The following RANBP2 variants were observed in gnomAD, a reference collection of about 807,000 sequenced individuals.
The protein encoded by RANBP2 is RAN binding protein 2.
Under a neutral mutation model 303.6 loss-of-function variants are expected in RANBP2, and 57 were observed. The ratio of observed to expected loss-of-function variants is 0.19; its 90% CI spans 0.15 to 0.23. RANBP2 has a LOEUF of 0.23. Ranked by LOEUF, RANBP2 falls within the 10% of genes least tolerant of loss-of-function variation. The pLI is 1.00. For missense variants in RANBP2, 3,138 were observed against 3,780.8 expected (o/e 0.83, Z 4.46); for synonymous variants, 1,167 against 1,301.5 (o/e 0.90, Z 2.23).
intron 6 of RANBP2, among the ~76,000 whole-genome samples, chr2:108,738,169 G>A (rs1695773702): frequency 6.6e-6 from 1 of 151,134 alleles, no homozygotes; most frequent in African/African-American, 2.4e-5. Flanking sequence ...TCTGTTTCCA[G>A]GGTTCACGCC....
intron 20 of RANBP2, among the ~76,000 whole-genome samples, chr2:108,770,978 G>A (rs1360773753): frequency 6.6e-6 from 1 of 151,978 alleles, no homozygotes; most frequent in Non-Finnish European, 1.5e-5. Flanking sequence ...TTCATGACTG[G>A]CTTGCTTTAT....
chr2:108,977,363 G>A, the RANBP2 span, among the ~76,000 whole-genome samples: 2 of 152,258 alleles, frequency 1.3e-5, no homozygotes, highest in Middle Eastern at 6.8e-3. Flanking sequence ...GCGCCTCCCG[G>A]GTTCACGCCA....
the RANBP2 span, among the ~76,000 whole-genome samples, chr2:108,991,208 C>A: frequency 2.6e-5 from 4 of 152,050 alleles, no homozygotes; most frequent in Non-Finnish European, 5.9e-5. Context: ...TTGAAGTCTG[C>A]CTAGTCATCA....
chr2:109,561,376 T>C, the RANBP2 span, among the ~76,000 whole-genome samples: 2 of 152,152 alleles, frequency 1.3e-5, no homozygotes, highest in African/African-American at 4.8e-5. Flanking sequence ...ACTGTCTGCC[T>C]CTCCTTTAGT....
chr2:109,147,130 G>A, the RANBP2 span, among the ~76,000 whole-genome samples: 1 of 151,994 alleles, frequency 6.6e-6, no homozygotes, highest in Non-Finnish European at 1.5e-5. Flanking sequence ...TCAGAGGGTG[G>A]GTTTCTTTTT....
the RANBP2 span, among the ~76,000 whole-genome samples, chr2:109,471,255 AATGT>A: frequency 2.0e-5 from 3 of 151,670 alleles, no homozygotes; most frequent in Non-Finnish European, 4.4e-5. Flanking sequence ...GAGACTGAGT[AATGT>A]ATAAAGGAAA....
At chr2:109,366,001 T>C in the RANBP2 span, among the ~76,000 whole-genome samples, 1 of 152,252 alleles carries the variant, frequency 6.6e-6, no homozygotes, top group Non-Finnish European at 1.5e-5. Context: ...TGAATTTGTT[T>C]TCTGGCATAT....
At chr2:109,612,431 G>C in the RANBP2 span, among the ~76,000 whole-genome samples, 1 of 152,086 alleles carries the variant, frequency 6.6e-6, no homozygotes, top group Non-Finnish European at 1.5e-5. Flanking sequence ...TCGTACTATG[G>C]GTTTGCCAGA....
chr2:109,147,760 A>G, the RANBP2 span, among the ~76,000 whole-genome samples: 1 of 152,218 alleles, frequency 6.6e-6, no homozygotes, highest in Non-Finnish European at 1.5e-5. Flanking sequence ...TACGAAGTTA[A>G]CAAGCAGTTG....
the RANBP2 span, among the ~76,000 whole-genome samples, chr2:109,020,870 G>T: frequency 6.6e-6 from 1 of 152,174 alleles, no homozygotes; most frequent in African/African-American, 2.4e-5. Flanking sequence ...GATTGTTTGT[G>T]GGGGGCACAA....
At chr2:109,546,123 T>C in the RANBP2 span, 2 of 1,611,638 alleles carry the variant, frequency 1.2e-6, no homozygotes, top group East Asian at 2.2e-5. Context: ...ATCTCGGAGG[T>C]AGCTTTCTTT....
At chr2:109,291,269 C>T in the RANBP2 span, among the ~76,000 whole-genome samples, 10 of 148,342 alleles carry the variant, frequency 6.7e-5, no homozygotes, top group Non-Finnish European at 1.5e-4. Flanking sequence ...GAAAAAGAAA[C>T]AGAGTAATCT....
chr2:109,096,882 C>T, the RANBP2 span, among the ~76,000 whole-genome samples: 373 of 151,316 alleles, frequency 2.5e-3, 1 homozygote, highest in African/African-American at 8.7e-3. Flanking sequence ...GATCTTGTGG[C>T]CCCCATCCAG....
chr2:108,775,663 T>C lies in RANBP2; in HGVS notation c.8293-69T>C, dbSNP rs906968201. ...CCCAAGTTCTCAATTCCCTTTGAAATAGATTATATAATCTGTTTTGTAAAT... is the reference window on the plus strand; with the variant it reads ...CCCAAGTTCTCAATTCCCTTTGAAACAGATTATATAATCTGTTTTGTAAAT... On this transcript the variant is annotated intron_variant, in intron 23 of 28. Coordinates refer to ENST00000283195, the MANE Select transcript of RANBP2 (RefSeq NM_006267.5). 275 of 1,515,640 alleles carry C rather than the reference T, an allele frequency of 1.8e-4. 1 individual carries two copies. Among genetic ancestry groups the C allele is most frequent in the Non-Finnish European group, 2.4e-4 (264 of 1,096,660 alleles). The allele number at this position is 1,515,640 out of a possible 1,614,324, so 93.9% of individuals were successfully genotyped here.
chr2:108,786,015 A>G (rs531608572), downstream of RANBP2, among the ~76,000 whole-genome samples: 1 of 152,092 alleles, frequency 6.6e-6, no homozygotes, highest in East Asian at 1.9e-4. Flanking sequence ...AGAAAAATGA[A>G]GTGGTTGTAC....
the RANBP2 span, among the ~76,000 whole-genome samples, chr2:109,626,343 C>G: frequency 1.3e-5 from 2 of 152,144 alleles, no homozygotes; most frequent in East Asian, 3.9e-4. Flanking sequence ...TAGCCATGTG[C>G]CTGTAGTCCC....
chr2:109,180,427 G>A, the RANBP2 span, among the ~76,000 whole-genome samples: 2 of 152,196 alleles, frequency 1.3e-5, no homozygotes, highest in African/African-American at 4.8e-5. Context: ...CCAATGAACT[G>A]GCTCCTCAGG....
intron 2 of RANBP2, among the ~76,000 whole-genome samples, chr2:108,729,649 A>C (rs1343838366): frequency 6.6e-6 from 1 of 152,180 alleles, no homozygotes; most frequent in East Asian, 1.9e-4. Flanking sequence ...TCCTAGGGAT[A>C]AGAAGCTTGG....
chr2:109,102,068 G>T, the RANBP2 span, among the ~76,000 whole-genome samples: 1 of 152,052 alleles, frequency 6.6e-6, no homozygotes, highest in African/African-American at 2.4e-5. Flanking sequence ...CCTTAGGAGT[G>T]GCACAATGTA....
Sources: allele counts gnomAD v4.1 joint callset (sites outside exome capture counted in the v4.1 genomes callset), GRCh38; gene constraint gnomAD v4.1.1; transcripts MANE v1.5; gene names NCBI Gene and HGNC (gene_info 2026-07-23, HGNC 2026-07-21).